GRM7: variants seen among roughly 807,000 people sequenced by gnomAD.
GRM7 encodes glutamate metabotropic receptor 7.
GRM7 carries 35 observed loss-of-function variants against 84.5 expected under a neutral mutation model. The observed-to-expected ratio is 0.41, with a 90% CI of 0.32 to 0.55. The LOEUF is 0.55. Ranked by LOEUF, GRM7 falls within the 20% of genes least tolerant of loss-of-function variation. The pLI, the probability that GRM7 is intolerant of heterozygous loss-of-function variation, is 0.19. For missense variants in GRM7, 1,003 were observed against 1,194.6 expected (o/e 0.84, Z 2.36); for synonymous variants, 487 against 455.1 (o/e 1.07, Z -0.89).
intron 2 of GRM7, among the ~76,000 whole-genome samples, chr3:7,181,640 GCT>G (rs1349612947): frequency 2.0e-5 from 3 of 151,924 alleles, no homozygotes; most frequent in Admixed American, 6.6e-5. Context: ...GCAGAGTCTT[GCT>G]CTGTCACCCA....
chr3:7,716,766 T>C (rs1021835910), intron 9 of GRM7, among the ~76,000 whole-genome samples: 3 of 152,224 alleles, frequency 2.0e-5, no homozygotes, highest in Non-Finnish European at 2.9e-5. Flanking sequence ...GTACAGTCAG[T>C]TGAAAAGTAA....
intron 1 of GRM7, among the ~76,000 whole-genome samples, chr3:7,000,816 C>T (rs55817555): frequency 0.048 from 7,261 of 152,248 alleles, 546 homozygotes; most frequent in African/African-American, 0.16. Context: ...GGCTCAAACA[C>T]GGTGTATGTC....
chr3:7,675,296 AT>A (rs763826820), intron 8 of GRM7, among the ~76,000 whole-genome samples: 1 of 152,224 alleles, frequency 6.6e-6, no homozygotes, highest in Non-Finnish European at 1.5e-5. Context: ...TTGAAGACCC[AT>A]CATTATTACA....
chr3:7,552,023 T>C (rs1365612392), intron 7 of GRM7, among the ~76,000 whole-genome samples: 2 of 152,184 alleles, frequency 1.3e-5, no homozygotes, highest in Admixed American at 1.3e-4. Flanking sequence ...TCACATCTCA[T>C]GAGAACTTGC....
intron 1 of GRM7, 42 bp from the exon 2 acceptor site, chr3:7,146,410 C>T (rs780746569): frequency 1.4e-6 from 2 of 1,395,702 alleles, no homozygotes; most frequent in South Asian, 1.2e-5. Flanking sequence ...TCTCTTACAT[C>T]CTGACGGTGC....
intron 1 of GRM7, among the ~76,000 whole-genome samples, chr3:6,983,637 A>T (rs180702423): frequency 1.3e-5 from 2 of 152,298 alleles, no homozygotes; most frequent in African/African-American, 4.8e-5. Flanking sequence ...CCTACAAACT[A>T]ATAAATTATT....
At position 6,933,025 on chromosome 3, in the gene GRM7, G is replaced by A. The variant is rs575807198; in HGVS notation, c.519+71118G>A. ...CTGCCTTGGCCTCCCAAAGTGCTGG[G>A]ATTGCAGGCATGAGCCACCGTGCCT... On this transcript the variant is annotated intron_variant, in intron 1 of 9. Coordinates refer to ENST00000357716, the MANE Select transcript of GRM7 (RefSeq NM_000844.4). Among the ~76,000 whole-genome samples, 182 of 152,178 alleles carry A rather than the reference G, an allele frequency of 1.2e-3. 1 individual carries two copies. Among genetic ancestry groups the A allele is most frequent in the African/African-American group, 4.2e-3 (175 of 41,536 alleles).
chr3:7,200,705 A>G (rs1393870096), intron 2 of GRM7, among the ~76,000 whole-genome samples: 1 of 152,102 alleles, frequency 6.6e-6, no homozygotes, highest in Non-Finnish European at 1.5e-5. Context: ...AGTGATAATG[A>G]CGCTACTAGT....
intron 1 of GRM7, among the ~76,000 whole-genome samples, chr3:6,947,905 C>G (rs149693270): frequency 0.012 from 1,804 of 152,226 alleles, 30 homozygotes; most frequent in African/African-American, 0.041. Flanking sequence ...GTGATATCCC[C>G]TTTATCATTT....
At chr3:7,189,730 A>G (rs1695644588) in intron 2 of GRM7, among the ~76,000 whole-genome samples, 1 of 152,188 alleles carries the variant, frequency 6.6e-6, no homozygotes, top group Admixed American at 6.5e-5. Flanking sequence ...GCAAGGAGAA[A>G]CAGTAATAAA....
chr3:7,532,069 C>A (rs774586203), intron 7 of GRM7, among the ~76,000 whole-genome samples: 2 of 152,016 alleles, frequency 1.3e-5, no homozygotes, highest in Non-Finnish European at 2.9e-5. Context: ...GGGATATTGG[C>A]CTGAAATTTT....
chr3:7,378,532 A>G (rs183287306), intron 4 of GRM7, among the ~76,000 whole-genome samples: 1 of 152,200 alleles, frequency 6.6e-6, no homozygotes, highest in African/African-American at 2.4e-5. Context: ...TGGAGCAACT[A>G]CTAAGACGGC....
chr3:7,532,463 G>T (rs1055494615), intron 7 of GRM7, among the ~76,000 whole-genome samples: 3 of 152,022 alleles, frequency 2.0e-5, no homozygotes. Context: ...GATCAGTGGT[G>T]ATACCCCCTT....
chr3:7,586,032 A>G (rs1695503826), intron 8 of GRM7, among the ~76,000 whole-genome samples: 1 of 152,300 alleles, frequency 6.6e-6, no homozygotes, highest in Non-Finnish European at 1.5e-5. Context: ...CTTTGAGCCT[A>G]ATCATTGTAC....
intron 2 of GRM7, among the ~76,000 whole-genome samples, chr3:7,257,557 C>CT (rs1698254269): frequency 6.6e-6 from 1 of 152,142 alleles, no homozygotes; most frequent in African/African-American, 2.4e-5. Flanking sequence ...ACTGTAAGGG[C>CT]AAAACCATGA....
chr3:7,269,451 C>T (rs912891396), intron 2 of GRM7, among the ~76,000 whole-genome samples: 2 of 152,244 alleles, frequency 1.3e-5, no homozygotes. Context: ...TGAACCCCCC[C>T]CCCAGAGAGC....
At chr3:7,184,855 T>C (rs1300164728) in intron 2 of GRM7, among the ~76,000 whole-genome samples, 4 of 152,222 alleles carry the variant, frequency 2.6e-5, no homozygotes, top group African/African-American at 9.6e-5. Context: ...CTCGTGTTTA[T>C]AATGATTGTT....
chr3:7,343,548 T>C (rs1692745430), intron 4 of GRM7, among the ~76,000 whole-genome samples: 1 of 151,328 alleles, frequency 6.6e-6, no homozygotes, highest in Admixed American at 6.6e-5. Flanking sequence ...ATGGTACAAA[T>C]TGCTTGATTT....
At chr3:7,137,650 A>T (rs961177514) in intron 1 of GRM7, among the ~76,000 whole-genome samples, 1 of 152,078 alleles carries the variant, frequency 6.6e-6, no homozygotes, top group South Asian at 2.1e-4. Flanking sequence ...GGAGACCCAC[A>T]TAGAGAAGTG....
Sources: gnomAD v4.1 joint callset for allele counts (sites outside exome capture counted in the v4.1 genomes callset) on GRCh38, gnomAD v4.1.1 for gene constraint, MANE v1.5 for transcripts, NCBI Gene and HGNC (gene_info 2026-07-23, HGNC 2026-07-21) for gene names.